ANTXR1: variants seen among roughly 807,000 people sequenced by gnomAD.
ANTXR1 encodes the protein anthrax toxin receptor 1.
A neutral mutation model predicts 78.1 loss-of-function variants in ANTXR1; 19 were observed. The ratio of observed to expected loss-of-function variants is 0.24; its 90% confidence interval spans 0.17 to 0.36. The LOEUF (loss-of-function observed/expected upper bound fraction) is 0.36, where lower values mean the gene tolerates loss of function less well. ANTXR1 is among the 10% of genes least tolerant of loss of function. ANTXR1 has a pLI of 1.00. For missense variants in ANTXR1, 518 were observed against 718.6 expected (o/e 0.72, Z 3.19); for synonymous variants, 273 against 260.5 (o/e 1.05, Z -0.46).
At chr2:69,159,037 G>A (rs1226698968) in intron 13 of ANTXR1, among the ~76,000 whole-genome samples, 1 of 152,100 alleles carries the variant, frequency 6.6e-6, no homozygotes, top group African/African-American at 2.4e-5. Context: ...AGTGTTCGAT[G>A]CAGAAGGAGC....
At chr2:69,151,054 A>G (rs1274448742) in intron 12 of ANTXR1, among the ~76,000 whole-genome samples, 1 of 152,144 alleles carries the variant, frequency 6.6e-6, no homozygotes, top group East Asian at 1.9e-4. Context: ...ATTATTTGAC[A>G]ATGTAATGTC....
At chr2:69,046,022 A>C (rs570192766) in intron 3 of ANTXR1, among the ~76,000 whole-genome samples, 1 of 152,300 alleles carries the variant, frequency 6.6e-6, no homozygotes, top group Non-Finnish European at 1.5e-5. Flanking sequence ...ATACTGGCCA[A>C]GGATTTTAAG....
chr2:69,183,654 G>T (rs1249965770), intron 16 of ANTXR1, among the ~76,000 whole-genome samples: 2 of 140,604 alleles, frequency 1.4e-5, no homozygotes, highest in Admixed American at 1.5e-4. Flanking sequence ...TGATAAAGCA[G>T]TCTGCCCACC....
intron 17 of ANTXR1, among the ~76,000 whole-genome samples, chr2:69,222,385 T>TCC (rs1675340934): frequency 6.6e-6 from 1 of 152,166 alleles, no homozygotes; most frequent in Non-Finnish European, 1.5e-5. Context: ...CAATATTCCT[T>TCC]CAGTGATTTT....
intron 12 of ANTXR1, among the ~76,000 whole-genome samples, chr2:69,148,710 A>G (rs1673305139): frequency 1.3e-5 from 2 of 152,198 alleles, no homozygotes; most frequent in African/African-American, 4.8e-5. Flanking sequence ...CATCATTGTC[A>G]TTATTCTTAT....
At chr2:69,205,456 A>T (rs960137229) in intron 17 of ANTXR1, among the ~76,000 whole-genome samples, 1 of 152,164 alleles carries the variant, frequency 6.6e-6, no homozygotes, top group East Asian at 1.9e-4. Context: ...ACCTTCTCCC[A>T]GTCAAGGCTC....
chr2:69,128,477 A>G (rs1317555310), intron 12 of ANTXR1, among the ~76,000 whole-genome samples: 1 of 152,186 alleles, frequency 6.6e-6, no homozygotes, highest in Non-Finnish European at 1.5e-5. Flanking sequence ...TCAGAGTCTC[A>G]TTATAACCAA....
chr2:69,021,441 A>G (rs377529728), intron 1 of ANTXR1, among the ~76,000 whole-genome samples: 155 of 152,340 alleles, frequency 1.0e-3, no homozygotes, highest in Middle Eastern at 6.8e-3. Context: ...TGCATATACT[A>G]CATGTCTGAT....
chr2:69,064,839 C>T (rs185469121), intron 3 of ANTXR1, among the ~76,000 whole-genome samples: 7 of 152,250 alleles, frequency 4.6e-5, no homozygotes, highest in African/African-American at 9.6e-5. Flanking sequence ...CAACAAAGAA[C>T]GAAAACCCAG....
At chr2:69,068,519 C>T (rs968482488) in intron 3 of ANTXR1, among the ~76,000 whole-genome samples, 1 of 152,110 alleles carries the variant, frequency 6.6e-6, no homozygotes, top group South Asian at 2.1e-4. Flanking sequence ...TGTGAAGTGC[C>T]TATTGGAGAA....
chr2:69,044,949 C>G (rs193152836), intron 3 of ANTXR1, 136 bp downstream of exon 3: 2 of 843,976 alleles, frequency 2.4e-6, no homozygotes, highest in African/African-American at 3.4e-5. Context: ...AAGTTTTTAA[C>G]CTTACGTATG....
intron 1 of ANTXR1, among the ~76,000 whole-genome samples, chr2:69,020,484 G>C (rs1000840339): frequency 6.6e-6 from 1 of 152,146 alleles, no homozygotes; most frequent in Non-Finnish European, 1.5e-5. Context: ...GTGGAGACCT[G>C]GTTAAACTCA....
At chr2:69,078,723 G>A (rs1017323446) in intron 8 of ANTXR1, among the ~76,000 whole-genome samples, 2 of 152,190 alleles carry the variant, frequency 1.3e-5, no homozygotes, top group South Asian at 2.1e-4. Context: ...TGGTGAAAAT[G>A]CCTAATACTT....
intron 14 of ANTXR1, among the ~76,000 whole-genome samples, chr2:69,174,087 A>G (rs1573954608): frequency 6.6e-6 from 1 of 152,328 alleles, no homozygotes; most frequent in African/African-American, 2.4e-5. Flanking sequence ...TGTCAGAAAT[A>G]AATCAAGAAA....
At chr2:69,026,978 T>A (rs1671364234) in intron 1 of ANTXR1, among the ~76,000 whole-genome samples, 1 of 152,154 alleles carries the variant, frequency 6.6e-6, no homozygotes, top group Non-Finnish European at 1.5e-5. Context: ...GGACTGAGTA[T>A]GAAAGAGGTC....
At chr2:69,069,097 C>A (rs780533550) in intron 3 of ANTXR1, among the ~76,000 whole-genome samples, 40 of 152,162 alleles carry the variant, frequency 2.6e-4, no homozygotes, top group Non-Finnish European at 4.4e-4. Context: ...CAGGGACAGG[C>A]AAACCCCTTT....
intron 17 of ANTXR1, among the ~76,000 whole-genome samples, chr2:69,220,393 C>T (rs932550218): frequency 6.6e-6 from 1 of 152,112 alleles, no homozygotes; most frequent in African/African-American, 2.4e-5. Flanking sequence ...TCCTCATTCA[C>T]CAGACATTAC....
chr2:69,024,460 T>A (rs368981206), intron 1 of ANTXR1, among the ~76,000 whole-genome samples: 208 of 152,118 alleles, frequency 1.4e-3, no homozygotes, highest in African/African-American at 4.7e-3. Flanking sequence ...CTAACAGGAA[T>A]TGTCTGGGCA....
At chr2:69,087,318 T>G (rs1266541263) in intron 8 of ANTXR1, among the ~76,000 whole-genome samples, 1 of 152,216 alleles carries the variant, frequency 6.6e-6, no homozygotes, top group African/African-American at 2.4e-5. Context: ...ACACAACAAC[T>G]TTATGCTCGT....
Sources: gnomAD v4.1 joint callset for allele counts (sites outside exome capture counted in the v4.1 genomes callset) on GRCh38, gnomAD v4.1.1 for gene constraint, MANE v1.5 for transcripts, NCBI Gene and HGNC (gene_info 2026-07-23, HGNC 2026-07-21) for gene names.